PRKN: variants seen among roughly 807,000 people sequenced by gnomAD.
PRKN encodes E3 ubiquitin-protein ligase parkin.
PRKN carries 56 observed loss-of-function variants against 59.5 expected under a neutral mutation model. The ratio of observed to expected loss-of-function variants is 0.94; its 90% CI spans 0.76 to 1.18. PRKN has a LOEUF of 1.18. Among genes scored for constraint, PRKN ranks in the 50% most tolerant of loss-of-function variants. The pLI is 0.00. For missense variants in PRKN, 657 were observed against 596.4 expected (o/e 1.10, Z -1.06); for synonymous variants, 250 against 222.1 (o/e 1.13, Z -1.12).
At chr6:162,593,225 C>T (rs936589706) in intron 1 of PRKN, among the ~76,000 whole-genome samples, 2 of 152,098 alleles carry the variant, frequency 1.3e-5, no homozygotes, top group Non-Finnish European at 2.9e-5. Flanking sequence ...GCAAAGCTAT[C>T]GAGGGCAATT....
chr6:161,737,195 C>T (rs1043599616), intron 7 of PRKN, among the ~76,000 whole-genome samples: 1 of 152,190 alleles, frequency 6.6e-6, no homozygotes, highest in Non-Finnish European at 1.5e-5. Context: ...GGTCCAGGCA[C>T]ACCTGGTGAA....
At chr6:162,223,225 A>G (rs1433507695) in intron 3 of PRKN, among the ~76,000 whole-genome samples, 1 of 152,026 alleles carries the variant, frequency 6.6e-6, no homozygotes, top group Non-Finnish European at 1.5e-5. Flanking sequence ...TCCATGGTGT[A>G]TATGTGCCAC....
chr6:162,423,194 T>C (rs1423668262), intron 2 of PRKN, among the ~76,000 whole-genome samples: 1 of 152,152 alleles, frequency 6.6e-6, no homozygotes, highest in Non-Finnish European at 1.5e-5. Context: ...ATCTACACCT[T>C]CTCAACTAAG....
rs1382989664 is a variant in PRKN, at chr6:162,544,829, C to T, written c.8-101356G>A. On this transcript the variant is annotated intron_variant, in intron 1 of 11. Coordinates refer to ENST00000366898, the MANE Select transcript of PRKN (RefSeq NM_004562.3). ...AGTAGCTGGGATTACAGGCATGTGC[C>T]ACCACGCCTGGATATTTTTGTATTT... is the stretch of plus-strand genomic sequence containing the variant. Among the ~76,000 whole-genome samples the T allele has an allele frequency of 2.7e-5, 4 of 150,758 alleles. No individual in the cohort carries two copies. In the East Asian group the frequency reaches 8.0e-4, roughly 30 times the overall value.
chr6:162,511,224 G>A (rs944021975), intron 1 of PRKN, among the ~76,000 whole-genome samples: 2 of 150,996 alleles, frequency 1.3e-5, no homozygotes, highest in African/African-American at 4.9e-5. Flanking sequence ...TATCAGGCCT[G>A]GAAGCTACCA....
At chr6:162,643,850 CG>C (rs1173834832) in intron 1 of PRKN, 1 of 152,084 alleles carries the variant, frequency 6.6e-6, no homozygotes, top group Non-Finnish European at 1.5e-5. Context: ...CATTTTACTT[CG>C]TGTAGTAATA....
chr6:162,525,410 T>G (rs1481844418), intron 1 of PRKN, among the ~76,000 whole-genome samples: 1 of 152,146 alleles, frequency 6.6e-6, no homozygotes, highest in African/African-American at 2.4e-5. Context: ...TTCCTCCCCC[T>G]GAAATGCTGG....
At chr6:161,507,330 A>G (rs919188844) in intron 9 of PRKN, among the ~76,000 whole-genome samples, 1 of 152,132 alleles carries the variant, frequency 6.6e-6, no homozygotes, top group Admixed American at 6.5e-5. Flanking sequence ...AACATTGCTC[A>G]TCTCTATGAA....
chr6:162,645,868 C>CTTT (rs751656108), intron 1 of PRKN, among the ~76,000 whole-genome samples: 212 of 121,158 alleles, frequency 1.7e-3, no homozygotes, highest in Non-Finnish European at 2.6e-3. Flanking sequence ...TAAACTTTCT[C>CTTT]TTTTTTTTTT....
At chr6:162,277,598 C>A (rs2128105417) in intron 2 of PRKN, among the ~76,000 whole-genome samples, 1 of 152,184 alleles carries the variant, frequency 6.6e-6, no homozygotes, top group Non-Finnish European at 1.5e-5. Flanking sequence ...TAAAACTCAT[C>A]AGTAAATAAA....
chr6:161,577,970 CTT>C (rs1382147798), intron 7 of PRKN, among the ~76,000 whole-genome samples: 1 of 152,140 alleles, frequency 6.6e-6, no homozygotes, highest in Admixed American at 6.5e-5. Flanking sequence ...TCGAACAACT[CTT>C]GAGTGTACAC....
At chr6:162,533,273 C>T (rs762047362) in intron 1 of PRKN, among the ~76,000 whole-genome samples, 5 of 152,156 alleles carry the variant, frequency 3.3e-5, no homozygotes, top group Non-Finnish European at 7.3e-5. Flanking sequence ...CCTATAATCC[C>T]AGCACTTTGG....
chr6:162,630,143 C>A (rs1297580154), intron 1 of PRKN, among the ~76,000 whole-genome samples: 2 of 152,134 alleles, frequency 1.3e-5, no homozygotes, highest in Non-Finnish European at 2.9e-5. Context: ...TCTTACGGTG[C>A]ACACATTGAT....
At chr6:162,390,940 G>C (rs1476768809) in intron 2 of PRKN, among the ~76,000 whole-genome samples, 2 of 152,072 alleles carry the variant, frequency 1.3e-5, no homozygotes, top group African/African-American at 4.8e-5. Context: ...TATTCTTAAC[G>C]TAAGTCAAAT....
rs559725746 is a variant in PRKN, at chr6:161,560,956, C to T, written c.933+8399G>A. On this transcript the variant is annotated intron_variant, in intron 8 of 11. Coordinates refer to ENST00000366898, the MANE Select transcript of PRKN (RefSeq NM_004562.3). The surrounding 1 kb of genome is among the most constrained non-coding windows in gnomAD (Gnocchi z 4.9). ...ATGGCAAAATTCCACGCCTGGAAAA[C>T]ATCACCTCCACCTTCCCTGGGCGTG... Among the ~76,000 whole-genome samples, 2 of 152,280 alleles carry T rather than the reference C, an allele frequency of 1.3e-5. No individual in the cohort carries two copies. The highest frequency in any genetic ancestry group is 4.8e-5 in the African/African-American group (2 of 41,554).
In PRKN at chr6:162,506,745, T is replaced by A. The variant is rs529562290; in HGVS notation, c.8-63272A>T. Among the ~76,000 whole-genome samples the A allele has an allele frequency of 2.0e-5, 3 of 151,636 alleles. No individual in the cohort carries two copies. The East Asian group carries it at 5.9e-4, about 30-fold the overall frequency. On this transcript the variant is annotated intron_variant, in intron 1 of 11. Coordinates refer to ENST00000366898, the MANE Select transcript of PRKN (RefSeq NM_004562.3). ...CAGTGGGAAGAGATGACGAGATGAGTTTAGGAAAGTTCAAGGAGCAAATAG... is the reference window on the plus strand; with the variant it reads ...CAGTGGGAAGAGATGACGAGATGAGATTAGGAAAGTTCAAGGAGCAAATAG...
chr6:162,443,178 A>ATCTCG, intron 2 of PRKN, 132 bp downstream of exon 2: 1 of 856,076 alleles, frequency 1.2e-6, no homozygotes. Context: ...AGCAGTGTGG[A>ATCTCG]GTAAAGTTCA....
chr6:161,695,817 G>C (rs566367974), intron 7 of PRKN, among the ~76,000 whole-genome samples: 12 of 152,314 alleles, frequency 7.9e-5, no homozygotes, highest in African/African-American at 2.9e-4. Flanking sequence ...ACAGAGAAAA[G>C]AGTGAGGAGG....
intron 9 of PRKN, among the ~76,000 whole-genome samples, chr6:161,524,729 G>A (rs1320140189): frequency 6.6e-6 from 1 of 152,070 alleles, no homozygotes; most frequent in Non-Finnish European, 1.5e-5. Context: ...ACAAAAAATG[G>A]TGAATCTGGA....
Sources: allele counts gnomAD v4.1 joint callset (sites outside exome capture counted in the v4.1 genomes callset), GRCh38; gene constraint gnomAD v4.1.1; non-coding constraint Gnocchi (gnomAD v3.1); transcripts MANE v1.5; gene names NCBI Gene and HGNC (gene_info 2026-07-23, HGNC 2026-07-21).